The following SYNE1 variants were observed in gnomAD, a reference collection of about 807,000 sequenced individuals.
SYNE1 encodes spectrin repeat containing nuclear envelope protein 1.
In SYNE1, 616 loss-of-function variants were observed where a neutral mutation model predicts 1,111.0. That is an observed-to-expected ratio of 0.55 (90% CI 0.52 to 0.59). The LOEUF is 0.59. Among genes scored for constraint, SYNE1 ranks in the 20% least tolerant of loss-of-function variants. The pLI is 0.00. For synonymous variants in SYNE1, 3,855 were observed against 3,825.8 expected, an observed-to-expected ratio of 1.01 and a Z score of -0.28; for missense variants, 10,006 against 10,417.0, an observed-to-expected ratio of 0.96 and a Z score of 1.72.
intron 71 of SYNE1, 62 bp from the exon 72 acceptor site, chr6:152,350,397 T>C (rs2096720600): frequency 6.2e-7 from 1 of 1,610,230 alleles, no homozygotes; most frequent in African/African-American, 1.3e-5. Flanking sequence ...AAAACTGTTT[T>C]GTATTACAAA....
chr6:152,152,256 G>A (rs2060563613), intron 133 of SYNE1, 115 bp from the exon 134 acceptor site: 7 of 921,094 alleles, frequency 7.6e-6, no homozygotes, highest in Admixed American at 7.4e-5. Context: ...TATCACAGAG[G>A]GAAAGAATGA....
chr6:152,339,415 T>C (rs974971468), intron 74 of SYNE1, 49 bp from the exon 75 acceptor site: 8 of 1,606,854 alleles, frequency 5.0e-6, no homozygotes, highest in Admixed American at 1.7e-5. Context: ...GCTATTTAGA[T>C]AGCAAATACT....
intron 108 of SYNE1, among the ~76,000 whole-genome samples, chr6:152,238,642 G>A (rs916716287): frequency 6.6e-6 from 1 of 152,120 alleles, no homozygotes; most frequent in African/African-American, 2.4e-5. Flanking sequence ...TAATATTGTG[G>A]GAGTGGGTGG....
intron 11 of SYNE1, among the ~76,000 whole-genome samples, chr6:152,492,923 T>C (rs1449958646): frequency 6.9e-6 from 1 of 144,746 alleles, no homozygotes; most frequent in Non-Finnish European, 1.5e-5. Flanking sequence ...AAACAGTCTT[T>C]TATGCCTCTT....
intron 16 of SYNE1, among the ~76,000 whole-genome samples, chr6:152,469,949 G>A (rs971561336): frequency 7.2e-5 from 11 of 152,132 alleles, no homozygotes; most frequent in African/African-American, 2.4e-4. Context: ...ATACTCCACG[G>A]TTATCAAAAC....
In SYNE1 at chr6:152,369,366, C is replaced by T. The variant is rs977216961; in HGVS notation, c.9651+105G>A. The T allele has an allele frequency of 4.5e-5, 70 of 1,541,634 alleles. 1 individual carries two copies. The highest frequency in any genetic ancestry group is 2.5e-4 in the South Asian group (22 of 88,684). ...ATGGGGAAAAACACACTATGTCTCA[C>T]GGCAGCACAGTCTAACTCAAGGGTG... is the stretch of plus-strand genomic sequence containing the variant. On this transcript the variant is annotated intron_variant, in intron 60 of 145. Transcript: ENST00000367255.
chr6:152,379,863 A>G (rs1266145659), intron 56 of SYNE1, among the ~76,000 whole-genome samples: 1 of 152,248 alleles, frequency 6.6e-6, no homozygotes, highest in Admixed American at 6.5e-5. Flanking sequence ...ATCTAGGCAC[A>G]GCCAAATCTT....
Position 152,430,469 on chromosome 6 carries a change from G to C in SYNE1, c.4689+13C>G, listed in dbSNP as rs1432085356. On this transcript the variant is annotated intron_variant, in intron 35 of 145. Coordinates refer to ENST00000367255, the MANE Select transcript of SYNE1 (RefSeq NM_182961.4). ...AAATATGTAAACTTAAGTATAGGTG[G>C]ATCAATTCTTACCTTTCTAAGGTTC... The C allele has an allele frequency of 6.2e-7, 1 of 1,603,468 alleles. No homozygotes were observed. Among genetic ancestry groups the C allele is most frequent in the Non-Finnish European group, 8.5e-7 (1 of 1,170,458 alleles).
intron 3 of SYNE1, among the ~76,000 whole-genome samples, chr6:152,606,973 G>GT (rs2099616874): frequency 3.2e-5 from 4 of 126,400 alleles, no homozygotes; most frequent in Admixed American, 8.5e-5. Context: ...GCATGCCTCG[G>GT]TTCTCTTTTT....
intron 121 of SYNE1, among the ~76,000 whole-genome samples, chr6:152,217,711 T>C (rs548435767): frequency 6.6e-6 from 1 of 151,752 alleles, no homozygotes; most frequent in Admixed American, 6.6e-5. Context: ...ATGGACTGGG[T>C]ACAGGAACAT....
chr6:152,610,908 A>C (rs1171407867), intron 3 of SYNE1, among the ~76,000 whole-genome samples: 1 of 152,208 alleles, frequency 6.6e-6, no homozygotes, highest in Non-Finnish European at 1.5e-5. Flanking sequence ...TTCATAAGTT[A>C]AGGAGAAATA....
At chr6:152,183,382 C>T (rs1232181439) in intron 128 of SYNE1, among the ~76,000 whole-genome samples, 3 of 151,960 alleles carry the variant, frequency 2.0e-5, no homozygotes, top group African/African-American at 4.8e-5. Flanking sequence ...TTTGGGAGGC[C>T]GAGGTGGGCA....
intron 61 of SYNE1, chr6:152,367,694 C>T: frequency 2.7e-6 from 1 of 372,100 alleles, no homozygotes; most frequent in East Asian, 6.3e-5. Flanking sequence ...AAAGTAGTTT[C>T]TAGTTTTCAC....
Position 152,244,547 on chromosome 6 carries a change from G to A in SYNE1, c.19682C>T (p.Ser6561Phe). The A allele has an allele frequency of 6.2e-7, 1 of 1,614,098 alleles. No homozygotes were observed. The highest frequency in any genetic ancestry group is 2.2e-5 in the East Asian group (1 of 44,876). ...GGCTGAAGGCTGCACCTGGAGCTTGGAGAGTTCTTGCATGGACGGCTGCTC... is the reference window on the plus strand; with the variant it reads ...GGCTGAAGGCTGCACCTGGAGCTTGAAGAGTTCTTGCATGGACGGCTGCTC... Reference protein sequence around the residue: ...QVEQPSMQELSKLQDMYDELM... With the variant: ...QVEQPSMQELFKLQDMYDELM... The change falls in exon 106 of 146, where the codon TCC becomes TTC. Residue 6561 changes from serine (S) to phenylalanine (F), a missense_variant. By Grantham distance (155) the Ser-to-Phe change is radical (BLOSUM62 -2). Around this residue, in one of 7 missense-constraint regions of SYNE1, gnomAD observed 2,182 missense variants for 2,287.8 expected, o/e 0.95. Transcript: ENST00000367255.
At chr6:152,454,166 TCACACATGTGCACACAGAAG>T (rs879709063) in intron 24 of SYNE1, among the ~76,000 whole-genome samples, 20,237 of 148,684 alleles carry the variant, frequency 0.14, 1,964 homozygotes, top group African/African-American at 0.27. Context: ...ATTGTCACAT[TCACACATGTGCACACAGAAG>T]CACACATGTG....
At chr6:152,586,594 C>T (rs1333883803) in intron 3 of SYNE1, among the ~76,000 whole-genome samples, 2 of 151,752 alleles carry the variant, frequency 1.3e-5, no homozygotes, top group African/African-American at 4.8e-5. Context: ...TGACTACTGA[C>T]TTTGGTGGGA....
chr6:152,139,232 C>T (rs1238752924), intron 140 of SYNE1, among the ~76,000 whole-genome samples: 3 of 152,140 alleles, frequency 2.0e-5, no homozygotes, highest in African/African-American at 7.2e-5. Flanking sequence ...TGCTTATTTA[C>T]ATGGTGTATA....
chr6:152,447,052 GA>G (rs2098598785), intron 29 of SYNE1, among the ~76,000 whole-genome samples: 1 of 152,160 alleles, frequency 6.6e-6, no homozygotes, highest in Admixed American at 6.5e-5. Context: ...TCAAGACCTA[GA>G]TGTTACGTAA....
At chr6:152,543,193 T>A (rs1158649167) in intron 3 of SYNE1, among the ~76,000 whole-genome samples, 1 of 152,166 alleles carries the variant, frequency 6.6e-6, no homozygotes, top group African/African-American at 2.4e-5. Context: ...AATCCTCAAA[T>A]TATCTTTTTT....
Sources: gnomAD v4.1 joint callset for allele counts (sites outside exome capture counted in the v4.1 genomes callset) on GRCh38, gnomAD v4.1.1 for gene constraint, gnomAD v4.1.1 regional missense constraint, MANE v1.5 for transcripts, NCBI Gene and HGNC (gene_info 2026-07-23, HGNC 2026-07-21) for gene names.